AGBL1: variants seen among roughly 807,000 people sequenced by gnomAD.
AGBL1 encodes the protein cytosolic carboxypeptidase 4.
In AGBL1, 130 loss-of-function variants were observed where a neutral mutation model predicts 118.9. That is an observed-to-expected ratio of 1.09 (90% CI 0.95 to 1.26). The LOEUF (loss-of-function observed/expected upper bound fraction) is 1.26, where lower values mean the gene tolerates loss of function less well. Ranked by LOEUF, AGBL1 falls within the 50% of genes most tolerant of loss-of-function variation. AGBL1 has a pLI of 0.00. For missense variants in AGBL1, 1,584 were observed against 1,298.1 expected, an observed-to-expected ratio of 1.22 and a Z score of -3.38; for synonymous variants, 555 against 478.9, an observed-to-expected ratio of 1.16 and a Z score of -2.08.
At chr15:86,739,443 C>CA (rs34530266) in intron 22 of AGBL1, among the ~76,000 whole-genome samples, 38,711 of 66,808 alleles carry the variant, frequency 0.58, 11,156 homozygotes, top group Admixed American at 0.63. Flanking sequence ...AACTCCATCT[C>CA]AAAAAAAAAA....
At chr15:86,815,363 A>G (rs541581770) in intron 22 of AGBL1, among the ~76,000 whole-genome samples, 9 of 152,168 alleles carry the variant, frequency 5.9e-5, no homozygotes, top group Admixed American at 3.3e-4. Flanking sequence ...GTCCACCACC[A>G]ATTTCTAGTG....
chr15:86,501,248 A>T (rs1165773720), intron 18 of AGBL1, among the ~76,000 whole-genome samples: 1 of 151,682 alleles, frequency 6.6e-6, no homozygotes, highest in African/African-American at 2.4e-5. Flanking sequence ...CATTTACCTA[A>T]TGACTAATGA....
chr15:86,340,730 T>C (rs1476265710), intron 17 of AGBL1, among the ~76,000 whole-genome samples: 1 of 152,202 alleles, frequency 6.6e-6, no homozygotes, highest in Non-Finnish European at 1.5e-5. Flanking sequence ...CCTCTATACC[T>C]ATCTGGTAGA....
intron 5 of AGBL1, among the ~76,000 whole-genome samples, chr15:86,179,353 T>C (rs1264195744): frequency 6.6e-6 from 1 of 152,220 alleles, no homozygotes; most frequent in Non-Finnish European, 1.5e-5. Context: ...CGACAATATA[T>C]ACAAGATCAA....
chr15:87,022,583 C>A (rs1404967985), intron 24 of AGBL1, among the ~76,000 whole-genome samples: 2 of 152,000 alleles, frequency 1.3e-5, no homozygotes, highest in East Asian at 1.9e-4. Context: ...ACCTAGACAT[C>A]CAAATACAAG....
chr15:87,003,980 A>G (rs1378469535), intron 24 of AGBL1, among the ~76,000 whole-genome samples: 5 of 151,636 alleles, frequency 3.3e-5, no homozygotes. Flanking sequence ...TTCTGCTCTG[A>G]TCTTAGTTAT....
chr15:86,436,038 C>T (rs918718315), intron 18 of AGBL1, among the ~76,000 whole-genome samples: 6 of 150,648 alleles, frequency 4.0e-5, no homozygotes, highest in African/African-American at 1.5e-4. Context: ...GATGGTACTT[C>T]AGGGTGATTG....
Position 86,433,213 on chromosome 15 carries a change from CTCT to C in AGBL1, c.2555+35683_2555+35685del, listed in dbSNP as rs201556757. Among the ~76,000 whole-genome samples the C allele has an allele frequency of 4.9e-3, 704 of 144,886 alleles. 3 individuals are homozygous for C. The highest frequency in any genetic ancestry group is 0.018 in the East Asian group (83 of 4,620). On this transcript the variant is annotated intron_variant, in intron 18 of 22. Transcript: ENST00000614907. The stretch of plus-strand genomic sequence containing the variant: ...AGAAGAAGATGAAGCTCCTTTCCTC[CTCT>C]TCTTCTTCTTCTTCTCCTCCTCCTT...
intron 22 of AGBL1, among the ~76,000 whole-genome samples, chr15:86,765,812 G>T (rs912449112): frequency 1.1e-4 from 17 of 151,792 alleles, no homozygotes; most frequent in Non-Finnish European, 2.2e-4. Flanking sequence ...TATAACCAAA[G>T]GACAGATAAA....
intron 22 of AGBL1, among the ~76,000 whole-genome samples, chr15:86,835,871 A>G (rs1295502634): frequency 6.6e-6 from 1 of 152,144 alleles, no homozygotes; most frequent in Non-Finnish European, 1.5e-5. Flanking sequence ...TGATCCATGT[A>G]TGTACGATCC....
chr15:86,669,375 GAAAC>G (rs2085701982), intron 21 of AGBL1, among the ~76,000 whole-genome samples: 3 of 151,962 alleles, frequency 2.0e-5, no homozygotes, highest in African/African-American at 7.3e-5. Context: ...TTACTACAGT[GAAAC>G]AAAGAAATAG....
At chr15:86,895,160 CTTCT>C (rs1223824743) in intron 22 of AGBL1, among the ~76,000 whole-genome samples, 1 of 125,176 alleles carries the variant, frequency 8.0e-6, no homozygotes, top group Non-Finnish European at 1.8e-5. Flanking sequence ...TTACTCTTTT[CTTCT>C]TTCTCTTTCC....
At chr15:86,166,424 G>T (rs1359965244) in intron 5 of AGBL1, among the ~76,000 whole-genome samples, 1 of 152,156 alleles carries the variant, frequency 6.6e-6, no homozygotes, top group South Asian at 2.1e-4. Context: ...AAAGCCCACA[G>T]AGCTGAGCAG....
intron 18 of AGBL1, among the ~76,000 whole-genome samples, chr15:86,503,809 A>T (rs758426289): frequency 4.6e-5 from 7 of 151,490 alleles, no homozygotes; most frequent in Non-Finnish European, 7.4e-5. Context: ...GTATGATTTA[A>T]ATCATTTAAA....
chr15:86,173,574 G>T (rs893953590), intron 5 of AGBL1, among the ~76,000 whole-genome samples: 5 of 151,816 alleles, frequency 3.3e-5, no homozygotes, highest in African/African-American at 9.7e-5. Context: ...TCATAGTTTT[G>T]GGTTTTATAT....
chr15:86,783,341 G>A (rs1242300880), intron 22 of AGBL1, among the ~76,000 whole-genome samples: 1 of 152,154 alleles, frequency 6.6e-6, no homozygotes, highest in Non-Finnish European at 1.5e-5. Flanking sequence ...CAGCTACTAT[G>A]GAATTTCCTA....
intron 17 of AGBL1, among the ~76,000 whole-genome samples, chr15:86,366,028 A>C (rs1350504702): frequency 6.6e-6 from 1 of 152,162 alleles, no homozygotes; most frequent in Non-Finnish European, 1.5e-5. Context: ...AAGGCACCTG[A>C]TATTCCTTTA....
chr15:86,876,159 G>T (rs1309052502), intron 22 of AGBL1, among the ~76,000 whole-genome samples: 1 of 152,154 alleles, frequency 6.6e-6, no homozygotes, highest in African/African-American at 2.4e-5. Flanking sequence ...CTACATAGCT[G>T]CCATCCTGTA....
intron 21 of AGBL1, among the ~76,000 whole-genome samples, chr15:86,666,728 A>G (rs2085651532): frequency 6.6e-6 from 1 of 152,198 alleles, no homozygotes; most frequent in Non-Finnish European, 1.5e-5. Context: ...ATCTCAATTT[A>G]TATATTAATT....
Sources: gnomAD v4.1 joint callset for allele counts (sites outside exome capture counted in the v4.1 genomes callset) on GRCh38, gnomAD v4.1.1 for gene constraint, MANE v1.5 for transcripts, NCBI Gene and HGNC (gene_info 2026-07-23, HGNC 2026-07-21) for gene names.